Variants in PNLIP observed in about 807,000 individuals in gnomAD.
The protein encoded by PNLIP is pancreatic lipase.
Under a neutral mutation model 57.1 loss-of-function variants are expected in PNLIP, and 49 were observed. That is an observed-to-expected ratio of 0.86 (90% CI 0.68 to 1.09). The LOEUF (loss-of-function observed/expected upper bound fraction) is 1.09, where lower values mean the gene tolerates loss of function less well. Ranked by LOEUF, PNLIP falls within the 50% of genes least tolerant of loss-of-function variation. The pLI is 0.00. For missense variants in PNLIP, 503 were observed against 570.2 expected, an observed-to-expected ratio of 0.88 and a Z score of 1.20; for synonymous variants, 209 against 200.4, an observed-to-expected ratio of 1.04 and a Z score of -0.36.
At chr10:116,557,144 C>G (rs1847261263) in intron 9 of PNLIP, among the ~76,000 whole-genome samples, 1 of 152,124 alleles carries the variant, frequency 6.6e-6, no homozygotes, top group Admixed American at 6.5e-5. Context: ...GACAGAAGAT[C>G]CCTTCTTTAT....
At chr10:116,552,274 A>G (rs562614005) in intron 5 of PNLIP, among the ~76,000 whole-genome samples, 2 of 152,368 alleles carry the variant, frequency 1.3e-5, no homozygotes, top group East Asian at 1.9e-4. Context: ...AGCCTCAGGC[A>G]GATCCTTCAG....
chr10:116,557,775 C>A (rs780189080), intron 9 of PNLIP, among the ~76,000 whole-genome samples: 4 of 152,064 alleles, frequency 2.6e-5, no homozygotes, highest in Non-Finnish European at 5.9e-5. Context: ...TTGGTTCCTC[C>A]CTCTCCATCT....
Position 116,559,278 on chromosome 10 carries a change from T to C in PNLIP, c.1055T>C (p.Phe352Ser). The C allele has an allele frequency of 6.2e-7, 1 of 1,611,008 alleles. No homozygotes were observed. Among genetic ancestry groups the C allele is most frequent in the Non-Finnish European group, 8.5e-7 (1 of 1,178,134 alleles). ...FYLDTGDASNFARWRYKVSVT... is the reference protein window; with the variant it reads ...FYLDTGDASNSARWRYKVSVT... ...CTAGACACTGGTGATGCCAGTAATT[T>C]TGCACGTAAGTTTCTGTTTTCTGTA... Residue 352 changes from phenylalanine (F) to serine (S), a missense_variant, in exon 10 of 13, where the codon TTT becomes TCT. By Grantham distance (155) the Phe-to-Ser change is radical. Coordinates refer to ENST00000369221, the MANE Select transcript of PNLIP (RefSeq NM_000936.4).
At chr10:116,551,783 T>G (rs1847196864) in intron 5 of PNLIP, among the ~76,000 whole-genome samples, 1 of 152,190 alleles carries the variant, frequency 6.6e-6, no homozygotes. Context: ...TCCACCAGAT[T>G]AAAAGTTAAA....
intron 11 of PNLIP, among the ~76,000 whole-genome samples, chr10:116,561,064 T>C (rs1429888748): frequency 6.6e-6 from 1 of 152,238 alleles, no homozygotes; most frequent in African/African-American, 2.4e-5. Flanking sequence ...TATTTCCTGA[T>C]AAAACCATTC....
intron 2 of PNLIP, among the ~76,000 whole-genome samples, chr10:116,546,708 C>A (rs937813767): frequency 5.3e-5 from 8 of 152,180 alleles, no homozygotes; most frequent in African/African-American, 1.7e-4. Flanking sequence ...TTACTCCTAC[C>A]ATTAATCTAG....
rs1191577825 is a variant in PNLIP at position 116,555,496 on chromosome 10, G to A, written c.800G>A (p.Gly267Glu). The A allele has an allele frequency of 6.2e-7, 1 of 1,614,060 alleles. No homozygotes were observed. Among genetic ancestry groups the A allele is most frequent in the Non-Finnish European group, 8.5e-7 (1 of 1,179,950 alleles). ...CTCTCTCAGATTGTGGACATAGACG[G>A]AATCTGGGAAGGTAGAACTATTATG... ...NILSQIVDIDGIWEGTRDFAA... is the reference protein window; with the variant it reads ...NILSQIVDIDEIWEGTRDFAA... Residue 267 changes from glycine (G) to glutamate (E), a missense_variant, in exon 8 of 13, where the codon GGA becomes GAA. Transcript: ENST00000369221.
At chr10:116,547,188 C>A in intron 2 of PNLIP, 106 bp from the exon 3 acceptor site, 2 of 1,021,808 alleles carry the variant, frequency 2.0e-6, no homozygotes, top group South Asian at 1.3e-5. Flanking sequence ...TTGAGAGTAG[C>A]AGAGGAGGAA....
chr10:116,548,872 T>A (rs751343101), intron 4 of PNLIP, among the ~76,000 whole-genome samples: 1 of 152,256 alleles, frequency 6.6e-6, no homozygotes, highest in African/African-American at 2.4e-5. Flanking sequence ...TCTTTTCCTT[T>A]GATTTTCACT....
Position 116,561,475 on chromosome 10 carries a change from C to T in PNLIP, c.1173C>T (p.Gly391=). 6.2e-7 allele frequency: 1 copy of T among 1,609,682 alleles called. No individual in the cohort carries two copies. The highest frequency in any genetic ancestry group is 8.5e-7 in the Non-Finnish European group (1 of 1,177,912). ...TGTTAACTTCTTAAATCCTTAGGGG[C>T]ACTCTCAAACCAGATAGTACTCATT... ...GNSKQYEIFK[G]TLKPDSTHSN... is the part of the protein sequence containing the mutation. Residue 391 remains glycine (G), a synonymous_variant, in exon 12 of 13, where the codon GGC becomes GGT. Transcript: ENST00000369221.
chr10:116,550,484 A>G (rs1474400895), intron 4 of PNLIP, among the ~76,000 whole-genome samples: 3 of 152,154 alleles, frequency 2.0e-5, no homozygotes, highest in East Asian at 1.9e-4. Context: ...CTTTCCATAG[A>G]TATCTGGTAG....
chr10:116,555,612 A>C, intron 8 of PNLIP, 105 bp downstream of exon 8: 1 of 1,255,322 alleles, frequency 8.0e-7, no homozygotes. Flanking sequence ...CACATTTTAC[A>C]TAACAAAAGA....
rs781513188 is a variant in PNLIP at position 116,559,283 on chromosome 10, C to T, written c.1060C>T (p.Arg354Cys). 63 of 1,607,862 alleles carry T rather than the reference C, an allele frequency of 3.9e-5. No homozygotes were observed. Among genetic ancestry groups the T allele is most frequent in the Middle Eastern group, 3.3e-4 (2 of 6,066 alleles). Residue 354 changes from arginine to cysteine, a missense_variant and splice_region_variant, in exon 10 of 13, where the codon CGT (arginine) becomes TGT (cysteine). Coordinates refer to ENST00000369221, the MANE Select transcript of PNLIP (RefSeq NM_000936.4). ...CACTGGTGATGCCAGTAATTTTGCA[C>T]GTAAGTTTCTGTTTTCTGTATCTTA... ...LDTGDASNFA[R>C]WRYKVSVTLS...
intron 9 of PNLIP, among the ~76,000 whole-genome samples, chr10:116,557,932 A>G (rs1410639711): frequency 2.0e-5 from 3 of 152,140 alleles, no homozygotes; most frequent in African/African-American, 7.2e-5. Flanking sequence ...TGAATCCTTC[A>G]GGGCTTGATA....
At position 116,567,625 on chromosome 10, in the gene PNLIP, G is replaced by A. The variant is rs190811005; in HGVS notation, c.1335-110G>A. On this transcript the variant is annotated intron_variant, in intron 12 of 12. Coordinates refer to ENST00000369221, the MANE Select transcript of PNLIP (RefSeq NM_000936.4). ...GCCATTGTCTGGTCTCCAGCACAGGGTGCGCCCTTCCCTCAGACTAGGAGG... is the reference window on the plus strand; with the variant it reads ...GCCATTGTCTGGTCTCCAGCACAGGATGCGCCCTTCCCTCAGACTAGGAGG... The A allele has an allele frequency of 3.1e-4, 255 of 820,620 alleles. No individual in the cohort carries two copies. The African/African-American group carries it at 3.7e-3, about 12-fold the overall frequency. The allele number at this position is 820,620 out of a possible 1,614,324, so 50.8% of individuals were successfully genotyped here.
intron 12 of PNLIP, among the ~76,000 whole-genome samples, chr10:116,565,461 CTT>C (rs559369951): frequency 1.5e-4 from 20 of 134,766 alleles, no homozygotes; most frequent in African/African-American, 3.0e-4. Context: ...ATAAAATGCA[CTT>C]TTTTTTTTTT....
intron 9 of PNLIP, among the ~76,000 whole-genome samples, chr10:116,557,551 G>C (rs995426223): frequency 6.6e-6 from 1 of 152,156 alleles, no homozygotes; most frequent in Non-Finnish European, 1.5e-5. Flanking sequence ...GACGTCTTGG[G>C]CTTGTCTATT....
rs936933866 is a variant in PNLIP at position 116,557,419 on chromosome 10, G to A, written c.930+1301G>A. Among the ~76,000 whole-genome samples, 25 of 152,162 alleles carry A rather than the reference G, an allele frequency of 1.6e-4. 1 individual carries two copies. Among genetic ancestry groups the A allele is most frequent in the African/African-American group, 5.6e-4 (23 of 41,428 alleles). On this transcript the variant is annotated intron_variant, in intron 9 of 12. Transcript: ENST00000369221. ...GCCAGGTGATCTGGTGGTGGTGGTCGATGTGTGTTCAGCAGAGGAAATGAA... is the reference window on the plus strand; with the variant it reads ...GCCAGGTGATCTGGTGGTGGTGGTCAATGTGTGTTCAGCAGAGGAAATGAA...
chr10:116,553,700 A>T lies in PNLIP; in HGVS notation c.460-27A>T, dbSNP rs773442810. ...GCAACTCATGACTGCACTTGAAAAC[A>T]TTCTGAAAAGGTTTTCTTTCCGACA... On this transcript the variant is annotated intron_variant, in intron 5 of 12. Transcript: ENST00000369221. The T allele has an allele frequency of 2.1e-6, 3 of 1,432,140 alleles. No homozygotes were observed. The East Asian group carries it at 6.8e-5, about 32-fold the overall frequency. The allele number at this position is 1,432,140 out of a possible 1,614,324, so 88.7% of individuals were successfully genotyped here. A position where few individuals can be genotyped will look rare whatever the true frequency, so the allele number is the denominator to read the frequency against.
Sources: allele counts gnomAD v4.1 joint callset (sites outside exome capture counted in the v4.1 genomes callset), GRCh38; gene constraint gnomAD v4.1.1; transcripts MANE v1.5; gene names NCBI Gene and HGNC (gene_info 2026-07-23, HGNC 2026-07-21).